The following CDH8 variants were observed in gnomAD, a reference collection of about 807,000 sequenced individuals.
CDH8 encodes cadherin-8.
A neutral mutation model predicts 68.1 loss-of-function variants in CDH8; 17 were observed. The observed-to-expected ratio is 0.25, with a 90% CI of 0.17 to 0.37. The LOEUF (loss-of-function observed/expected upper bound fraction) is 0.37, where lower values mean the gene tolerates loss of function less well. Among genes scored for constraint, CDH8 ranks in the 10% least tolerant of loss-of-function variants. The probability of loss-of-function intolerance (pLI) is 1.00; values close to 1 mark genes in which losing one functional copy is unlikely to be tolerated. For synonymous variants in CDH8, 372 were observed against 365.1 expected (o/e 1.02, Z -0.21); for missense variants, 763 against 999.3 (o/e 0.76, Z 3.19).
At chr16:61,676,068 A>G (rs977898773) in intron 10 of CDH8, among the ~76,000 whole-genome samples, 2 of 151,406 alleles carry the variant, frequency 1.3e-5, no homozygotes, top group Non-Finnish European at 2.9e-5. Flanking sequence ...AATAAATAGA[A>G]TAAGTCCTCA....
chr16:61,934,402 AGAAACAAATGGAAAGCTTATGTAAAGAT>A (rs1964595207), intron 2 of CDH8, among the ~76,000 whole-genome samples: 1 of 152,186 alleles, frequency 6.6e-6, no homozygotes, highest in Non-Finnish European at 1.5e-5. Flanking sequence ...ATTGAGGAAC[AGAAACAAATGGAAAGCTTATGTAAAGAT>A]TGTGGAGGGA....
intron 8 of CDH8, among the ~76,000 whole-genome samples, chr16:61,764,993 C>T (rs966500898): frequency 3.3e-5 from 5 of 151,938 alleles, no homozygotes; most frequent in Non-Finnish European, 7.4e-5. Context: ...TTACATACCT[C>T]AGAGAGATGT....
At chr16:61,994,150 T>C (rs1447487817) in intron 2 of CDH8, among the ~76,000 whole-genome samples, 1 of 152,194 alleles carries the variant, frequency 6.6e-6, no homozygotes, top group Admixed American at 6.5e-5. Context: ...CTGAACTGTT[T>C]GCCATTTTTA....
chr16:61,962,670 TTGTAACAAAAGTATGGCATAACA>T (rs1235631308), intron 2 of CDH8, among the ~76,000 whole-genome samples: 1 of 152,162 alleles, frequency 6.6e-6, no homozygotes, highest in Non-Finnish European at 1.5e-5. Flanking sequence ...CCTTCTGTTT[TTGTAACAAAAGTATGGCATAACA>T]TGGCAAAACG....
intron 10 of CDH8, among the ~76,000 whole-genome samples, chr16:61,669,154 A>G (rs1041722749): frequency 6.6e-6 from 1 of 152,094 alleles, no homozygotes; most frequent in Non-Finnish European, 1.5e-5. Flanking sequence ...GCATTCACAC[A>G]TATGAAAATA....
chr16:61,689,163 T>G (rs538144187), intron 10 of CDH8, among the ~76,000 whole-genome samples: 4 of 152,148 alleles, frequency 2.6e-5, no homozygotes, highest in South Asian at 2.1e-4. Flanking sequence ...TTTCACAGTT[T>G]AAGAAACTGT....
chr16:61,936,634 G>C (rs892671896), intron 2 of CDH8, among the ~76,000 whole-genome samples: 2 of 152,098 alleles, frequency 1.3e-5, no homozygotes, highest in Admixed American at 6.6e-5. Context: ...ATCTAAGAAA[G>C]TTAGATCCAA....
intron 2 of CDH8, among the ~76,000 whole-genome samples, chr16:61,939,335 T>A (rs1005912188): frequency 6.6e-6 from 1 of 152,186 alleles, no homozygotes; most frequent in African/African-American, 2.4e-5. Flanking sequence ...AAATAATGAT[T>A]TCTAAGTCTT....
At chr16:61,982,992 AAAGT>A (rs1319157311) in intron 2 of CDH8, among the ~76,000 whole-genome samples, 1 of 152,174 alleles carries the variant, frequency 6.6e-6, no homozygotes. Context: ...GTAACATATA[AAAGT>A]AAGCTAAAGA....
chr16:61,923,724 G>GATAT (rs371820502), intron 2 of CDH8, among the ~76,000 whole-genome samples: 21 of 142,212 alleles, frequency 1.5e-4, no homozygotes, highest in Admixed American at 2.2e-4. Context: ...ATGGCTAGAG[G>GATAT]ATATATATAT....
At chr16:62,032,494 G>A (rs1902350891) in intron 1 of CDH8, among the ~76,000 whole-genome samples, 1 of 152,168 alleles carries the variant, frequency 6.6e-6, no homozygotes, top group African/African-American at 2.4e-5. Context: ...CTCTGTGAAT[G>A]CCAATAGCGC....
chr16:61,985,698 G>A (rs552073901), intron 2 of CDH8, among the ~76,000 whole-genome samples: 2 of 152,148 alleles, frequency 1.3e-5, no homozygotes, highest in South Asian at 4.1e-4. Context: ...TCTCCATGTT[G>A]GTCAGGCTGG....
At chr16:61,926,029 T>C (rs77585739) in intron 2 of CDH8, among the ~76,000 whole-genome samples, 6,938 of 152,214 alleles carry the variant, frequency 0.046, 525 homozygotes, top group African/African-American at 0.16. Context: ...TTCACAAGGT[T>C]GTTTCTTTTT....
chr16:61,707,174 T>A (rs1423091698), intron 10 of CDH8, among the ~76,000 whole-genome samples: 1 of 152,190 alleles, frequency 6.6e-6, no homozygotes, highest in Non-Finnish European at 1.5e-5. Context: ...AATATTTTTA[T>A]TTGTTGCATT....
chr16:61,930,270 AACACACACACACAC>A (rs369686237), intron 2 of CDH8, among the ~76,000 whole-genome samples: 2 of 144,256 alleles, frequency 1.4e-5, no homozygotes, highest in Admixed American at 1.4e-4. Context: ...AAAGTTAGAA[AACACACACACACAC>A]ACACACACAC....
intron 8 of CDH8, among the ~76,000 whole-genome samples, chr16:61,727,818 G>A (rs1270712663): frequency 2.0e-5 from 3 of 151,074 alleles, no homozygotes; most frequent in African/African-American, 7.3e-5. Context: ...TTTTCATGAG[G>A]ACTTTTATCA....
At chr16:61,839,286 G>T (rs1002242896) in intron 4 of CDH8, among the ~76,000 whole-genome samples, 2 of 152,072 alleles carry the variant, frequency 1.3e-5, no homozygotes, top group Non-Finnish European at 1.5e-5. Flanking sequence ...AGACGATGTT[G>T]TTGATTCTTT....
intron 10 of CDH8, among the ~76,000 whole-genome samples, chr16:61,707,184 T>G (rs900131830): frequency 3.3e-5 from 5 of 152,174 alleles, no homozygotes; most frequent in African/African-American, 1.2e-4. Context: ...TTTGTTGCAT[T>G]GGGTGAACAA....
intron 10 of CDH8, among the ~76,000 whole-genome samples, chr16:61,707,738 C>T (rs1428239671): frequency 6.6e-6 from 1 of 152,032 alleles, no homozygotes; most frequent in African/African-American, 2.4e-5. Context: ...TAATTGTCAA[C>T]TACATTTAAT....
Sources: allele counts gnomAD v4.1 joint callset (sites outside exome capture counted in the v4.1 genomes callset), GRCh38; gene constraint gnomAD v4.1.1; transcripts MANE v1.5; gene names NCBI Gene and HGNC (gene_info 2026-07-23, HGNC 2026-07-21).